Variants in EFCC1 observed in about 807,000 individuals in gnomAD.
EFCC1 encodes the protein EF-hand and coiled-coil domain containing 1.
In EFCC1, 50 loss-of-function variants were observed where a neutral mutation model predicts 52.1. The observed-to-expected ratio is 0.96, with a 90% CI of 0.76 to 1.21. The LOEUF (loss-of-function observed/expected upper bound fraction) is 1.21, where lower values mean the gene tolerates loss of function less well. Ranked by LOEUF, EFCC1 falls within the 50% of genes most tolerant of loss-of-function variation. The pLI, the probability that EFCC1 is intolerant of heterozygous loss-of-function variation, is 0.00. For synonymous variants in EFCC1, 399 were observed against 396.5 expected, an observed-to-expected ratio of 1.01 and a Z score of -0.08; for missense variants, 837 against 867.3, an observed-to-expected ratio of 0.97 and a Z score of 0.44.
intron 2 of EFCC1, among the ~76,000 whole-genome samples, chr3:129,024,895 TTGGGGTGGGAGAA>T (rs1946036290): frequency 3.3e-5 from 5 of 152,082 alleles, no homozygotes; most frequent in Admixed American, 3.3e-4. Context: ...GACATTTTTG[TTGGGGTGGGAGAA>T]CGAAGAACCA....
At chr3:129,007,003 A>C (rs1328090121) in intron 2 of EFCC1, among the ~76,000 whole-genome samples, 1 of 152,242 alleles carries the variant, frequency 6.6e-6, no homozygotes, top group Non-Finnish European at 1.5e-5. Flanking sequence ...CTAAAAGAAA[A>C]GTGTTACTGT....
chr3:129,020,360 G>A (rs2107909499), intron 2 of EFCC1, among the ~76,000 whole-genome samples: 1 of 152,272 alleles, frequency 6.6e-6, no homozygotes, highest in East Asian at 1.9e-4. Context: ...TGGGAAGGCT[G>A]GACAGATGGC....
intron 2 of EFCC1, among the ~76,000 whole-genome samples, chr3:129,004,623 G>A (rs1944989085): frequency 6.6e-6 from 1 of 151,222 alleles, no homozygotes; most frequent in East Asian, 1.9e-4. Flanking sequence ...AGTTGAATGT[G>A]CTCATTCTTA....
At chr3:129,012,642 G>A (rs1260564011) in intron 2 of EFCC1, among the ~76,000 whole-genome samples, 1 of 152,202 alleles carries the variant, frequency 6.6e-6, no homozygotes, top group Non-Finnish European at 1.5e-5. Context: ...TAGTCCTGTT[G>A]GCCCGGACCA....
chr3:129,004,240 AGTTAT>A (rs976611410), intron 2 of EFCC1, among the ~76,000 whole-genome samples, 163 bp downstream of exon 2: 1 of 152,090 alleles, frequency 6.6e-6, no homozygotes, highest in African/African-American at 2.4e-5. Flanking sequence ...CCATTTCTTA[AGTTAT>A]AAGTCTGCTC....
intron 2 of EFCC1, among the ~76,000 whole-genome samples, chr3:129,027,567 T>A (rs188307941): frequency 1.3e-5 from 2 of 152,286 alleles, no homozygotes; most frequent in Admixed American, 1.3e-4. Flanking sequence ...CAAGGGGCCA[T>A]GGCTCCGAAT....
intron 5 of EFCC1, among the ~76,000 whole-genome samples, chr3:129,035,435 T>C (rs889918042): frequency 2.0e-5 from 3 of 152,182 alleles, no homozygotes; most frequent in African/African-American, 7.2e-5. Flanking sequence ...GGCCAGGGGT[T>C]GAGTCACTGG....
In EFCC1 at chr3:129,001,775, G is replaced by A. The variant is rs1944771353; in HGVS notation, c.147G>A (p.Val49=). 4.5e-6 allele frequency: 7 copies of A among 1,543,206 alleles called. No individual in the cohort carries two copies. Among genetic ancestry groups the A allele is most frequent in the Admixed American group, 3.9e-5 (2 of 50,804 alleles). The change falls in exon 1 of 8, where the codon GTG becomes GTA. Residue 49 remains valine (V), a synonymous_variant. Transcript: ENST00000683648. ...GLDRGVENEI[V]VLATGLDQYL... is the part of the protein sequence containing the mutation. ...ACCGCGGCGTGGAGAACGAGATCGT[G>A]GTGCTGGCCACCGGCCTGGACCAGT... is the stretch of plus-strand genomic sequence containing the variant.
intron 2 of EFCC1, among the ~76,000 whole-genome samples, chr3:129,008,957 T>C (rs969480321): frequency 2.8e-5 from 4 of 141,808 alleles, no homozygotes; most frequent in African/African-American, 1.0e-4. Flanking sequence ...CACAAAATAG[T>C]CCATCCCCAC....
intron 2 of EFCC1, among the ~76,000 whole-genome samples, chr3:129,022,524 C>CTTATA (rs1382185045): frequency 6.6e-6 from 1 of 152,170 alleles, no homozygotes; most frequent in Non-Finnish European, 1.5e-5. Flanking sequence ...GGGCTGGCGG[C>CTTATA]CAGATGTGGC....
chr3:129,016,104 G>T (rs565957998), intron 2 of EFCC1, among the ~76,000 whole-genome samples: 1 of 152,154 alleles, frequency 6.6e-6, no homozygotes, highest in Non-Finnish European at 1.5e-5. Flanking sequence ...GAGCCCAGGC[G>T]GTGTAATGGG....
At chr3:129,031,441 C>G (rs111648159) in intron 3 of EFCC1, among the ~76,000 whole-genome samples, 2 of 151,948 alleles carry the variant, frequency 1.3e-5, no homozygotes, top group Non-Finnish European at 2.9e-5. Flanking sequence ...GCCCTGCCCC[C>G]CTAAAGAAAA....
intron 1 of EFCC1, chr3:129,002,532 A>G (rs1255021069): frequency 2.9e-6 from 3 of 1,025,328 alleles, no homozygotes; most frequent in Admixed American, 4.0e-5. Context: ...CTTACCACCT[A>G]TTCCATTCCT....
Position 129,014,263 on chromosome 3 carries a change from G to A in EFCC1, c.980+10186G>A, listed in dbSNP as rs1341942769. On this transcript the variant is annotated intron_variant, in intron 2 of 7. Coordinates refer to ENST00000683648, the MANE Select transcript of EFCC1 (RefSeq NM_001377500.1). The surrounding 1 kb of genome is among the most constrained non-coding windows in gnomAD (Gnocchi z 4.3). ...GTTGACCACCAGTAACTAAGCGGGT[G>A]GACGAGGGGAGGGTCAGGGAGTGTG... Among the ~76,000 whole-genome samples the A allele has an allele frequency of 2.0e-5, 3 of 152,236 alleles. No individual in the cohort carries two copies. The highest frequency in any genetic ancestry group is 2.9e-5 in the Non-Finnish European group (2 of 68,046).
intron 2 of EFCC1, among the ~76,000 whole-genome samples, chr3:129,013,686 C>G (rs1945437559): frequency 1.3e-5 from 2 of 152,230 alleles, no homozygotes; most frequent in South Asian, 4.1e-4. Flanking sequence ...GACTGGCCAG[C>G]CTAGGGTCAT....
chr3:129,034,021 T>A, intron 4 of EFCC1, 143 bp from the exon 5 acceptor site: 2 of 933,512 alleles, frequency 2.1e-6, no homozygotes, highest in South Asian at 3.2e-5. Flanking sequence ...ATGGGGGCCA[T>A]GGGAGGGTAC....
intron 5 of EFCC1, among the ~76,000 whole-genome samples, chr3:129,035,403 C>T (rs1355958990): frequency 1.3e-5 from 2 of 152,204 alleles, no homozygotes; most frequent in African/African-American, 4.8e-5. Context: ...TGAACCAAGG[C>T]AGCCACACCA....
chr3:129,035,328 GTT>G (rs1946341392), intron 5 of EFCC1, among the ~76,000 whole-genome samples: 1 of 152,204 alleles, frequency 6.6e-6, no homozygotes, highest in Non-Finnish European at 1.5e-5. Flanking sequence ...GTAGGAAACA[GTT>G]TGAGAGAGGT....
At position 129,014,431 on chromosome 3, in the gene EFCC1, A is replaced by G. The variant is rs1042687585; in HGVS notation, c.980+10354A>G. 6.6e-6 allele frequency among the ~76,000 whole-genome samples: 1 copy of G among 152,206 alleles called. No individual in the cohort carries two copies. The highest frequency in any genetic ancestry group is 2.4e-5 in the African/African-American group (1 of 41,452). ...CGGCCTCTCTCCTGGGCTGGCAGCC[A>G]GGGCCGCCTTCTCCCTGTATCCTCG... is the stretch of plus-strand genomic sequence containing the variant. On this transcript the variant is annotated intron_variant, in intron 2 of 7. Transcript: ENST00000683648. The surrounding 1 kb of genome is among the most constrained non-coding windows in gnomAD (Gnocchi z 4.3).
Sources: allele counts gnomAD v4.1 joint callset (sites outside exome capture counted in the v4.1 genomes callset), GRCh38; gene constraint gnomAD v4.1.1; non-coding constraint Gnocchi (gnomAD v3.1); transcripts MANE v1.5; gene names NCBI Gene and HGNC (gene_info 2026-07-23, HGNC 2026-07-21).